Variants in IGF1R observed in about 807,000 individuals in gnomAD.
The protein encoded by IGF1R is insulin like growth factor 1 receptor.
In IGF1R, 44 loss-of-function variants were observed where a neutral mutation model predicts 144.6. The ratio of observed to expected loss-of-function variants is 0.30; its 90% CI spans 0.24 to 0.39. The LOEUF (loss-of-function observed/expected upper bound fraction) is 0.39, where lower values mean the gene tolerates loss of function less well. IGF1R is among the 10% of genes least tolerant of loss of function. IGF1R has a pLI of 1.00. For missense variants in IGF1R, 1,355 were observed against 1,833.7 expected (o/e 0.74, Z 4.77); for synonymous variants, 795 against 722.8 (o/e 1.10, Z -1.60).
rs549823347 is a variant in IGF1R, at chr15:98,707,266, G to C, written c.95-296G>C. On this transcript the variant is annotated intron_variant, in intron 1 of 20. Coordinates refer to ENST00000650285, the MANE Select transcript of IGF1R (RefSeq NM_000875.5). The surrounding 1 kb of genome is among the most constrained non-coding windows in gnomAD (Gnocchi z 6.7). ...AGATTTAACTTTCGCCTCTGCCTCT[G>C]TGTGCCTCTGGGCTGTAAGCTTTAG... 4.4e-4 allele frequency among the ~76,000 whole-genome samples: 67 copies of C among 152,312 alleles called. 1 individual carries two copies. The highest frequency in any genetic ancestry group is 8.3e-4 in the South Asian group (4 of 4,822).
chr15:98,789,238 AC>A (rs1302648944), intron 2 of IGF1R, among the ~76,000 whole-genome samples: 2 of 152,130 alleles, frequency 1.3e-5, no homozygotes, highest in African/African-American at 4.8e-5. Context: ...AAAGAAGAAA[AC>A]CCTCACTGAG....
At chr15:98,728,678 C>T (rs931983187) in intron 2 of IGF1R, among the ~76,000 whole-genome samples, 6 of 152,244 alleles carry the variant, frequency 3.9e-5, no homozygotes, top group Non-Finnish European at 8.8e-5. Context: ...GGGTCAGGCC[C>T]CCATCGCTTC....
At chr15:98,765,308 CTTTTTTTTTTTTTT>C (rs139280569) in intron 2 of IGF1R, among the ~76,000 whole-genome samples, 13 of 61,814 alleles carry the variant, frequency 2.1e-4, no homozygotes, top group Admixed American at 4.9e-4. Context: ...ATGCCAACAC[CTTTTTTTTTTTTTT>C]TTTTTTTTTT....
At chr15:98,792,740 C>A (rs920230240) in intron 2 of IGF1R, among the ~76,000 whole-genome samples, 1 of 152,144 alleles carries the variant, frequency 6.6e-6, no homozygotes, top group Non-Finnish European at 1.5e-5. Context: ...TTGAACTTAG[C>A]GTTTTTCTTT....
chr15:98,650,775 C>T (rs1490139360), intron 1 of IGF1R: 3 of 472,788 alleles, frequency 6.3e-6, no homozygotes, highest in Non-Finnish European at 8.3e-6. Flanking sequence ...GTCGTGTCGC[C>T]CTCTCTTCTG....
intron 2 of IGF1R, among the ~76,000 whole-genome samples, chr15:98,846,940 A>G (rs750900320): frequency 5.9e-5 from 9 of 151,616 alleles, no homozygotes; most frequent in Non-Finnish European, 1.0e-4. Flanking sequence ...GCTGCCAATT[A>G]TTATATTCCT....
chr15:98,887,729 C>G (rs914106899), intron 2 of IGF1R, among the ~76,000 whole-genome samples: 1 of 152,194 alleles, frequency 6.6e-6, no homozygotes, highest in Non-Finnish European at 1.5e-5. Context: ...TACTGAACCT[C>G]ACAGATCCAT....
At chr15:98,790,058 C>T (rs1793753514) in intron 2 of IGF1R, among the ~76,000 whole-genome samples, 1 of 152,180 alleles carries the variant, frequency 6.6e-6, no homozygotes, top group South Asian at 2.1e-4. Context: ...GAAGGAAGCT[C>T]TGTTCAAGTG....
At chr15:98,927,855 T>G (rs1422167958) in intron 13 of IGF1R, among the ~76,000 whole-genome samples, 1 of 152,252 alleles carries the variant, frequency 6.6e-6, no homozygotes, top group African/African-American at 2.4e-5. Context: ...AATGTTTACT[T>G]GATCCCCAGT....
At chr15:98,668,862 G>A (rs1181467444) in intron 1 of IGF1R, among the ~76,000 whole-genome samples, 1 of 152,200 alleles carries the variant, frequency 6.6e-6, no homozygotes, top group Non-Finnish European at 1.5e-5. Context: ...GGCTGCCACA[G>A]AAGACAGACT....
chr15:98,855,194 C>G (rs1204123054), intron 2 of IGF1R, among the ~76,000 whole-genome samples: 2 of 152,164 alleles, frequency 1.3e-5, no homozygotes, highest in African/African-American at 4.8e-5. Context: ...CTCTGTGTCC[C>G]CCCATGAGAG....
Position 98,960,318 on chromosome 15 carries a change from G to T in IGF1R, c.*2876G>T, listed in dbSNP as rs1019831990. The T allele has an allele frequency of 8.6e-5, 20 of 233,038 alleles. No homozygotes were observed. The East Asian group carries it at 1.1e-3, about 13-fold the overall frequency. The allele number at this position is 233,038 out of a possible 1,614,324, so 14.4% of individuals were successfully genotyped here. On this transcript the variant is annotated 3_prime_UTR_variant, in exon 21 of 21. Transcript: ENST00000650285. ...TTTTTTTGTTTTGTTTTCTATCTTG[G>T]TTTCCACCAAGGTGTTAGATTTCTC...
intron 2 of IGF1R, among the ~76,000 whole-genome samples, chr15:98,831,009 C>T (rs1030217606): frequency 6.6e-6 from 1 of 152,098 alleles, no homozygotes; most frequent in Admixed American, 6.6e-5. Context: ...GACGCCAGAT[C>T]TCCTGGTAGA....
chr15:98,940,952 A>G lies in IGF1R; in HGVS notation c.3457+1592A>G, dbSNP rs76996095. ...CCGTCCTGCCTCAGGGCTCTCAGGA[A>G]AGAGCCGCCCGCGTCCCTGGCTGGG... On this transcript the variant is annotated intron_variant, in intron 18 of 20. Coordinates refer to ENST00000650285, the MANE Select transcript of IGF1R (RefSeq NM_000875.5). 6.4e-4 allele frequency among the ~76,000 whole-genome samples: 97 copies of G among 152,320 alleles called. No individual in the cohort carries two copies. The East Asian group carries it at 0.018, about 29-fold the overall frequency.
At chr15:98,937,129 A>G (rs545642717) in intron 17 of IGF1R, among the ~76,000 whole-genome samples, 1 of 152,188 alleles carries the variant, frequency 6.6e-6, no homozygotes, top group East Asian at 1.9e-4. Context: ...CAGGTGATCC[A>G]CCCACCTCAG....
At chr15:98,904,429 A>G (rs1185438489) in intron 5 of IGF1R, among the ~76,000 whole-genome samples, 1 of 152,208 alleles carries the variant, frequency 6.6e-6, no homozygotes, top group Non-Finnish European at 1.5e-5. Flanking sequence ...CAAAGAGGAA[A>G]CATTGTCTGA....
Position 98,908,354 on chromosome 15 carries a change from G to A in IGF1R, c.1248-331G>A, listed in dbSNP as rs191645941. Among the ~76,000 whole-genome samples the A allele has an allele frequency of 2.8e-3, 421 of 152,324 alleles. 1 individual carries two copies. The highest frequency in any genetic ancestry group is 9.8e-3 in the African/African-American group (407 of 41,564). On this transcript the variant is annotated intron_variant, in intron 5 of 20. Transcript: ENST00000650285. ...CTCATGGACTGCTTTCAAGCACGTT[G>A]TACATACTTGGCTGAGAAAAATAAC...
chr15:98,655,426 C>G (rs1477824865), intron 1 of IGF1R, among the ~76,000 whole-genome samples: 2 of 152,018 alleles, frequency 1.3e-5, no homozygotes, highest in Non-Finnish European at 2.9e-5. Context: ...GCCGGCTTTA[C>G]TTATGTTTTA....
At chr15:98,953,606 C>T (rs1315685234) in intron 20 of IGF1R, among the ~76,000 whole-genome samples, 1 of 152,140 alleles carries the variant, frequency 6.6e-6, no homozygotes, top group Non-Finnish European at 1.5e-5. Flanking sequence ...GGTGTGAACG[C>T]AGCCGTGGAA....
Sources: allele counts gnomAD v4.1 joint callset (sites outside exome capture counted in the v4.1 genomes callset), GRCh38; gene constraint gnomAD v4.1.1; non-coding constraint Gnocchi (gnomAD v3.1); transcripts MANE v1.5; gene names NCBI Gene and HGNC (gene_info 2026-07-23, HGNC 2026-07-21).